Variants in CATSPERT observed in about 807,000 individuals in gnomAD.
The protein encoded by CATSPERT is cation channel sperm-associated targeting subunit tau.
the CATSPERT span, among the ~76,000 whole-genome samples, chr2:201,497,337 T>G: frequency 2.6e-5 from 4 of 152,206 alleles, no homozygotes; most frequent in Non-Finnish European, 5.9e-5. Context: ...ATCTTGTACT[T>G]CCATACCTAT....
chr2:201,551,602 G>A, the CATSPERT span, among the ~76,000 whole-genome samples: 3 of 152,144 alleles, frequency 2.0e-5, no homozygotes, highest in African/African-American at 7.2e-5. Flanking sequence ...AGAGAGCTCA[G>A]GCATTGTGAG....
chr2:201,492,929 C>T, the CATSPERT span: 1 of 1,536,380 alleles, frequency 6.5e-7, no homozygotes, highest in African/African-American at 1.4e-5. Context: ...GAGAGTTCTT[C>T]TAGAAACACA....
the CATSPERT span, chr2:201,545,412 A>T: frequency 1.7e-6 from 1 of 597,608 alleles, no homozygotes; most frequent in Non-Finnish European, 2.8e-6. Flanking sequence ...TGCCAAAACT[A>T]TAGTGAAATG....
At chr2:201,516,206 A>G in the CATSPERT span, among the ~76,000 whole-genome samples, 2 of 152,224 alleles carry the variant, frequency 1.3e-5, no homozygotes, top group African/African-American at 4.8e-5. Context: ...GTACAGTAAA[A>G]TATGATATTA....
At chr2:201,603,254 T>C in the CATSPERT span, 5 of 1,611,450 alleles carry the variant, frequency 3.1e-6, no homozygotes, top group African/African-American at 2.7e-5. Flanking sequence ...CAGTTCTTTA[T>C]ATGAATGCCC....
chr2:201,582,562 C>T, the CATSPERT span, among the ~76,000 whole-genome samples: 1 of 152,166 alleles, frequency 6.6e-6, no homozygotes, highest in Non-Finnish European at 1.5e-5. Context: ...TGAAACTACA[C>T]TATCAAAGAT....
At chr2:201,497,447 T>C in the CATSPERT span, among the ~76,000 whole-genome samples, 2,874 of 152,292 alleles carry the variant, frequency 0.019, 96 homozygotes, top group African/African-American at 0.064. Context: ...TTTAAATGAA[T>C]AGAAAAATTT....
chr2:201,533,339 T>C, the CATSPERT span, among the ~76,000 whole-genome samples: 1 of 152,196 alleles, frequency 6.6e-6, no homozygotes, highest in African/African-American at 2.4e-5. Flanking sequence ...CAGAAGTTAT[T>C]TCTTATGGAA....
chr2:201,493,013 G>C, the CATSPERT span: 1 of 1,536,352 alleles, frequency 6.5e-7, no homozygotes, highest in Non-Finnish European at 8.7e-7. Flanking sequence ...AGTTCTTCAA[G>C]GTGTTCTGTG....
At chr2:201,568,405 T>C in the CATSPERT span, among the ~76,000 whole-genome samples, 1 of 152,176 alleles carries the variant, frequency 6.6e-6, no homozygotes, top group Non-Finnish European at 1.5e-5. Context: ...GAAGGTGTAT[T>C]GCTCACCTTG....
At chr2:201,588,042 T>G in the CATSPERT span, among the ~76,000 whole-genome samples, 1 of 152,060 alleles carries the variant, frequency 6.6e-6, no homozygotes, top group Non-Finnish European at 1.5e-5. Flanking sequence ...ACCAGATGAA[T>G]TCATAGCTGA....
At chr2:201,509,660 A>G in the CATSPERT span, among the ~76,000 whole-genome samples, 1 of 151,102 alleles carries the variant, frequency 6.6e-6, no homozygotes, top group Non-Finnish European at 1.5e-5. Context: ...TACATAGTAA[A>G]TTATGTGATT....
At chr2:201,487,782 G>T in the CATSPERT span, 2 of 1,614,122 alleles carry the variant, frequency 1.2e-6, no homozygotes, top group Non-Finnish European at 1.7e-6. Context: ...CTTGCAGAGT[G>T]TCTGGCATGG....
chr2:201,564,518 T>C, the CATSPERT span, among the ~76,000 whole-genome samples: 2 of 152,206 alleles, frequency 1.3e-5, no homozygotes, highest in Admixed American at 1.3e-4. Flanking sequence ...CAATGATTGC[T>C]ATAAACTGAA....
At chr2:201,593,387 G>A in the CATSPERT span, among the ~76,000 whole-genome samples, 1 of 151,794 alleles carries the variant, frequency 6.6e-6, no homozygotes, top group Non-Finnish European at 1.5e-5. Context: ...TTGCTGAGGA[G>A]AGCTTTACTT....
At chr2:201,503,828 T>C in the CATSPERT span, among the ~76,000 whole-genome samples, 1 of 152,180 alleles carries the variant, frequency 6.6e-6, no homozygotes, top group Non-Finnish European at 1.5e-5. Flanking sequence ...TTGGAATTAG[T>C]TGGGTTCTTT....
At chr2:201,590,819 T>C in the CATSPERT span, among the ~76,000 whole-genome samples, 1 of 151,686 alleles carries the variant, frequency 6.6e-6, no homozygotes, top group African/African-American at 2.4e-5. Flanking sequence ...CTTTGCCCAC[T>C]TTTTGATGGG....
chr2:201,560,394 G>C, the CATSPERT span, among the ~76,000 whole-genome samples: 1 of 151,120 alleles, frequency 6.6e-6, no homozygotes, highest in African/African-American at 2.4e-5. Context: ...CTGCACTCCA[G>C]CCTGGGCAAC....
At chr2:201,581,556 A>G in the CATSPERT span, among the ~76,000 whole-genome samples, 8 of 47,298 alleles carry the variant, frequency 1.7e-4, no homozygotes, top group Non-Finnish European at 3.0e-4. Flanking sequence ...GTGTATATAT[A>G]TATATATATA....
Sources: allele counts gnomAD v4.1 joint callset (sites outside exome capture counted in the v4.1 genomes callset), GRCh38; gene constraint gnomAD v4.1.1; transcripts MANE v1.5; gene names NCBI Gene and HGNC (gene_info 2026-07-23, HGNC 2026-07-21).